The following ADAMTSL3 variants were observed in gnomAD, a reference collection of about 807,000 sequenced individuals.
The protein encoded by ADAMTSL3 is ADAMTS-like protein 3.
ADAMTSL3 carries 128 observed loss-of-function variants against 201.7 expected under a neutral mutation model. That is an observed-to-expected ratio of 0.63 (90% CI 0.55 to 0.73). The LOEUF is 0.73. ADAMTSL3 is among the 30% of genes least tolerant of loss of function. The pLI is 0.00. For synonymous variants in ADAMTSL3, 738 were observed against 748.4 expected (o/e 0.99, Z 0.23); for missense variants, 1,990 against 2,119.6 (o/e 0.94, Z 1.20).
intron 5 of ADAMTSL3, among the ~76,000 whole-genome samples, chr15:83,809,149 C>T (rs951185723): frequency 7.2e-5 from 11 of 151,982 alleles, no homozygotes; most frequent in Non-Finnish European, 1.6e-4. Flanking sequence ...ATGTTCCCAC[C>T]ACAAAGAAAT....
chr15:83,846,703 T>C (rs2064506182), intron 7 of ADAMTSL3, among the ~76,000 whole-genome samples: 1 of 152,182 alleles, frequency 6.6e-6, no homozygotes, highest in African/African-American at 2.4e-5. Context: ...GTTGCCAAAC[T>C]TCCCAGGTGG....
chr15:83,839,565 A>G (rs1177742361), intron 7 of ADAMTSL3, among the ~76,000 whole-genome samples: 1 of 152,206 alleles, frequency 6.6e-6, no homozygotes, highest in Non-Finnish European at 1.5e-5. Context: ...TACCTGTCAG[A>G]TGAGCTTGGA....
At chr15:83,978,095 C>A (rs557709451) in intron 20 of ADAMTSL3, among the ~76,000 whole-genome samples, 1 of 152,328 alleles carries the variant, frequency 6.6e-6, no homozygotes, top group East Asian at 1.9e-4. Flanking sequence ...GGTATTGATG[C>A]TGTGTCATGG....
chr15:84,013,235 A>G (rs1415280971), intron 23 of ADAMTSL3, among the ~76,000 whole-genome samples: 3 of 152,232 alleles, frequency 2.0e-5, no homozygotes, highest in African/African-American at 4.8e-5. Context: ...AGGTTCCTCA[A>G]TTGTGAGATA....
In ADAMTSL3 at chr15:83,942,470, T is replaced by C. The variant is rs2066578460; in HGVS notation, c.2118-126T>C. The C allele has an allele frequency of 1.4e-5, 11 of 770,228 alleles. 1 individual carries two copies. In the East Asian group the frequency reaches 2.8e-4, roughly 20 times the overall value. 47.7% of individuals were successfully genotyped at this position (770,228 alleles called of 1,614,324 possible). On this transcript the variant is annotated intron_variant, in intron 17 of 29. Transcript: ENST00000286744. Reference sequence around the variant, plus strand: ...CGTATATTGATGGAGATGCTGTGACTGTAGAATCTGTATACAGGGTGTGAA... The same window carrying C: ...CGTATATTGATGGAGATGCTGTGACCGTAGAATCTGTATACAGGGTGTGAA...
intron 4 of ADAMTSL3, among the ~76,000 whole-genome samples, chr15:83,783,038 A>G (rs970677308): frequency 6.1e-5 from 9 of 148,142 alleles, no homozygotes; most frequent in Non-Finnish European, 1.0e-4. Flanking sequence ...TATTATATAT[A>G]TATACTGTTT....
intron 6 of ADAMTSL3, among the ~76,000 whole-genome samples, chr15:83,831,006 C>A (rs559473155): frequency 6.6e-6 from 1 of 152,244 alleles, no homozygotes; most frequent in South Asian, 2.1e-4. Flanking sequence ...AAATATACAA[C>A]TAATGAAGTA....
rs1281499803 is a variant in ADAMTSL3 at position 83,719,044 on chromosome 15, A to T, written c.189+14536A>T. 3.3e-5 allele frequency among the ~76,000 whole-genome samples: 5 copies of T among 152,232 alleles called. No individual in the cohort carries two copies. In the East Asian group the frequency reaches 9.6e-4, roughly 29 times the overall value. Reference sequence around the variant, plus strand: ...TAATGAACTGATATATGCATTGAATATCAAAGCCAATAAAGTCGCAAAAAG... The same window carrying T: ...TAATGAACTGATATATGCATTGAATTTCAAAGCCAATAAAGTCGCAAAAAG... On this transcript the variant is annotated intron_variant, in intron 3 of 29. Transcript: ENST00000286744.
chr15:83,915,628 A>G (rs1332742004), intron 16 of ADAMTSL3, among the ~76,000 whole-genome samples: 3 of 152,170 alleles, frequency 2.0e-5, no homozygotes, highest in African/African-American at 7.2e-5. Flanking sequence ...CAATTTCAGA[A>G]CACTTGCCCA....
chr15:83,890,367 G>A, intron 11 of ADAMTSL3, 120 bp downstream of exon 11: 1 of 1,291,106 alleles, frequency 7.7e-7, no homozygotes, highest in South Asian at 1.5e-5. Flanking sequence ...ACTGGCGGCA[G>A]GTGCCTACAT....
chr15:83,790,149 C>T (rs959502910), intron 4 of ADAMTSL3, among the ~76,000 whole-genome samples: 42 of 150,696 alleles, frequency 2.8e-4, no homozygotes, highest in African/African-American at 1.0e-3. Context: ...CAAATTCTAC[C>T]AAGCATTTAA....
At chr15:83,781,816 G>A (rs1192410615) in intron 4 of ADAMTSL3, among the ~76,000 whole-genome samples, 5 of 152,078 alleles carry the variant, frequency 3.3e-5, no homozygotes, top group Admixed American at 6.6e-5. Flanking sequence ...AGTCATACGA[G>A]AAAAAAGCTC....
intron 23 of ADAMTSL3, among the ~76,000 whole-genome samples, chr15:83,993,762 G>GT (rs1459407050): frequency 2.6e-5 from 4 of 152,060 alleles, no homozygotes; most frequent in African/African-American, 9.7e-5. Context: ...TTAAAAAAAA[G>GT]TTTTTTTCTG....
At chr15:83,980,291 C>G (rs780768602) in intron 20 of ADAMTSL3, among the ~76,000 whole-genome samples, 2 of 152,170 alleles carry the variant, frequency 1.3e-5, no homozygotes, top group Non-Finnish European at 2.9e-5. Context: ...ACACTTCGTA[C>G]CATAGTAGGC....
intron 28 of ADAMTSL3, among the ~76,000 whole-genome samples, chr15:84,034,604 C>G (rs1470778825): frequency 6.6e-6 from 1 of 152,116 alleles, no homozygotes; most frequent in Non-Finnish European, 1.5e-5. Context: ...TCAGAATCAC[C>G]TAGGAAATTT....
intron 2 of ADAMTSL3, among the ~76,000 whole-genome samples, chr15:83,698,129 A>G (rs554843757): frequency 2.0e-5 from 3 of 152,272 alleles, no homozygotes; most frequent in Admixed American, 6.5e-5. Context: ...CAAAATTACA[A>G]GGATTTTAGG....
intron 23 of ADAMTSL3, among the ~76,000 whole-genome samples, chr15:84,011,045 A>C (rs568041847): frequency 9.9e-5 from 15 of 152,194 alleles, no homozygotes; most frequent in African/African-American, 3.6e-4. Context: ...TCCGTGAGGA[A>C]CTTAGTTTAC....
At chr15:83,918,531 A>G (rs1291795179) in intron 16 of ADAMTSL3, among the ~76,000 whole-genome samples, 1 of 152,226 alleles carries the variant, frequency 6.6e-6, no homozygotes, top group African/African-American at 2.4e-5. Context: ...AGGGGGTGGC[A>G]CACGGATAAT....
At chr15:83,735,481 T>C (rs1017191873) in intron 3 of ADAMTSL3, among the ~76,000 whole-genome samples, 23 of 152,308 alleles carry the variant, frequency 1.5e-4, no homozygotes, top group South Asian at 1.0e-3. Flanking sequence ...AATATTTCAA[T>C]GTTGGGTCTC....
Sources: gnomAD v4.1 joint callset for allele counts (sites outside exome capture counted in the v4.1 genomes callset) on GRCh38, gnomAD v4.1.1 for gene constraint, MANE v1.5 for transcripts, NCBI Gene and HGNC (gene_info 2026-07-23, HGNC 2026-07-21) for gene names.